The following MYO5B variants were observed in gnomAD, a reference collection of about 807,000 sequenced individuals.
MYO5B encodes the protein myosin VB.
A neutral mutation model predicts 229.3 loss-of-function variants in MYO5B; 143 were observed. That is an observed-to-expected ratio of 0.62 (90% CI 0.54 to 0.72). The LOEUF (loss-of-function observed/expected upper bound fraction) is 0.72, where lower values mean the gene tolerates loss of function less well. MYO5B is among the 30% of genes least tolerant of loss of function. The pLI is 0.00. For missense variants in MYO5B, 2,321 were observed against 2,331.0 expected (o/e 1.00, Z 0.09); for synonymous variants, 918 against 885.2 (o/e 1.04, Z -0.66).
intron 2 of MYO5B, among the ~76,000 whole-genome samples, chr18:50,041,214 C>G (rs1158884326): frequency 2.0e-5 from 3 of 152,168 alleles, no homozygotes; most frequent in African/African-American, 7.2e-5. Context: ...ATTCAGGCAA[C>G]TGAAATTTAA....
In MYO5B at chr18:49,912,259, T is replaced by A. The variant is rs184521488; in HGVS notation, c.2091-86A>T. 4 of 972,408 alleles carry A rather than the reference T, an allele frequency of 4.1e-6. No individual in the cohort carries two copies. The East Asian group carries it at 9.5e-5, about 23-fold the overall frequency. 60.2% of individuals were successfully genotyped at this position (972,408 alleles called of 1,614,324 possible). A position where few individuals can be genotyped will look rare whatever the true frequency, so the allele number is the denominator to read the frequency against. ...AGGCGTGACCTCAGACAGTTCCCTA[T>A]GGGGTCAACACTGTGGCACAAAGTC... is the stretch of plus-strand genomic sequence containing the variant. On this transcript the variant is annotated intron_variant, in intron 17 of 39. Coordinates refer to ENST00000285039, the MANE Select transcript of MYO5B (RefSeq NM_001080467.3).
At chr18:50,143,940 G>A (rs1166075038) in intron 1 of MYO5B, among the ~76,000 whole-genome samples, 1 of 152,168 alleles carries the variant, frequency 6.6e-6, no homozygotes, top group Non-Finnish European at 1.5e-5. Context: ...CCATTTTCTG[G>A]AGGGCCTCAT....
intron 10 of MYO5B, 110 bp downstream of exon 10, chr18:49,974,240 C>A: frequency 6.6e-7 from 1 of 1,513,882 alleles, no homozygotes; most frequent in South Asian, 1.1e-5. Context: ...TTTTAAACTG[C>A]CCTAAGTTGA....
chr18:49,907,768 A>C (rs1277046667), intron 18 of MYO5B, among the ~76,000 whole-genome samples: 1 of 152,258 alleles, frequency 6.6e-6, no homozygotes, highest in Admixed American at 6.5e-5. Flanking sequence ...CTTGCAGCAG[A>C]GCTTCCAGCT....
intron 4 of MYO5B, among the ~76,000 whole-genome samples, chr18:50,005,890 G>C (rs552135030): frequency 6.6e-6 from 1 of 152,192 alleles, no homozygotes; most frequent in East Asian, 1.9e-4. Flanking sequence ...AGTCTGCCCT[G>C]ACTCTCCACC....
chr18:49,962,443 G>A (rs1468076864), intron 11 of MYO5B, 37 bp from the exon 12 acceptor site: 1 of 1,613,750 alleles, frequency 6.2e-7, no homozygotes, highest in Non-Finnish European at 8.5e-7. Context: ...GTGAACTGCA[G>A]GCACACCTTA....
intron 1 of MYO5B, among the ~76,000 whole-genome samples, chr18:50,093,123 CAT>C: frequency 6.6e-6 from 1 of 152,072 alleles, no homozygotes; most frequent in South Asian, 2.1e-4. Context: ...CAACTTCCCT[CAT>C]GATTCAAGAA....
At chr18:50,176,626 G>T (rs1003213492) in intron 1 of MYO5B, among the ~76,000 whole-genome samples, 1 of 152,174 alleles carries the variant, frequency 6.6e-6, no homozygotes, top group African/African-American at 2.4e-5. Context: ...AAAACTTCTT[G>T]ATGGTCAAAG....
At chr18:49,831,636 T>C (rs1326887371) in intron 39 of MYO5B, among the ~76,000 whole-genome samples, 1 of 152,170 alleles carries the variant, frequency 6.6e-6, no homozygotes, top group Non-Finnish European at 1.5e-5. Context: ...GTGGGGAAAC[T>C]GGAACTCTCA....
At position 49,971,124 on chromosome 18, in the gene MYO5B, C is replaced by A. The variant is rs182448704; in HGVS notation, c.1322+3226G>T. 2.1e-4 allele frequency among the ~76,000 whole-genome samples: 32 copies of A among 152,208 alleles called. No homozygotes were observed. The East Asian group carries it at 4.1e-3, about 19-fold the overall frequency. On this transcript the variant is annotated intron_variant, in intron 10 of 39. Coordinates refer to ENST00000285039, the MANE Select transcript of MYO5B (RefSeq NM_001080467.3). ...TGGCCAGGGATATGAATAGAAAACT[C>A]AAAAACTAAACAACGCTTGGGTTTT... is the stretch of plus-strand genomic sequence containing the variant.
intron 34 of MYO5B, among the ~76,000 whole-genome samples, 185 bp from the exon 35 acceptor site, chr18:49,841,639 T>C (rs565445970): frequency 2.0e-5 from 3 of 152,324 alleles, no homozygotes; most frequent in Admixed American, 6.5e-5. Flanking sequence ...AGTGTTCCTC[T>C]ACCACCAGGG....
chr18:49,975,049 G>A (rs1301331815), intron 9 of MYO5B, among the ~76,000 whole-genome samples: 2 of 152,194 alleles, frequency 1.3e-5, no homozygotes, highest in Admixed American at 6.5e-5. Flanking sequence ...AATCCATTCG[G>A]AGTAACGAAC....
chr18:49,859,164 C>T (rs892810461), intron 29 of MYO5B, among the ~76,000 whole-genome samples: 6 of 152,184 alleles, frequency 3.9e-5, no homozygotes, highest in African/African-American at 9.7e-5. Flanking sequence ...GTAATGAGCC[C>T]GTGGCCCGGG....
At chr18:50,126,441 T>A (rs1179672025) in intron 1 of MYO5B, 1 of 154,542 alleles carries the variant, frequency 6.5e-6, no homozygotes, top group East Asian at 1.9e-4. Context: ...GACCACAAAG[T>A]GAAGAATGGA....
chr18:49,941,734 T>C (rs1454610947), intron 14 of MYO5B, among the ~76,000 whole-genome samples: 1 of 151,538 alleles, frequency 6.6e-6, no homozygotes, highest in Admixed American at 6.6e-5. Flanking sequence ...ATCAATATCG[T>C]GAAAATGGCC....
At chr18:49,870,057 C>T (rs2024440236) in intron 27 of MYO5B, among the ~76,000 whole-genome samples, 1 of 152,192 alleles carries the variant, frequency 6.6e-6, no homozygotes, top group Non-Finnish European at 1.5e-5. Flanking sequence ...TTGCTGCAGG[C>T]ATTTATCCCA....
chr18:49,856,783 C>A (rs574615784), intron 30 of MYO5B, 30 bp downstream of exon 30: 12 of 1,585,954 alleles, frequency 7.6e-6, no homozygotes, highest in African/African-American at 4.0e-5. Context: ...ACGGACAAAG[C>A]AGACACAGGA....
chr18:49,931,719 C>G (rs938924245), intron 16 of MYO5B, among the ~76,000 whole-genome samples: 3 of 152,216 alleles, frequency 2.0e-5, no homozygotes. Context: ...TGCTCGGCTG[C>G]CCATGACTGC....
At chr18:49,879,229 C>T in intron 23 of MYO5B, 139 bp from the exon 24 acceptor site, 1 of 986,984 alleles carries the variant, frequency 1.0e-6, no homozygotes, top group Non-Finnish European at 1.6e-6. Context: ...CTATTACGCT[C>T]CTCACCTACT....
Sources: allele counts gnomAD v4.1 joint callset (sites outside exome capture counted in the v4.1 genomes callset), GRCh38; gene constraint gnomAD v4.1.1; transcripts MANE v1.5; gene names NCBI Gene and HGNC (gene_info 2026-07-23, HGNC 2026-07-21).